The following ATP10B variants were observed in gnomAD, a reference collection of about 807,000 sequenced individuals.
The protein encoded by ATP10B is ATPase phospholipid transporting 10B (putative), also known as phospholipid-transporting ATPase VB.
Under a neutral mutation model 141.2 loss-of-function variants are expected in ATP10B, and 122 were observed. The ratio of observed to expected loss-of-function variants is 0.86; its 90% CI spans 0.75 to 1.00. The LOEUF (loss-of-function observed/expected upper bound fraction) is 1.00. Among genes scored for constraint, ATP10B ranks in the 50% least tolerant of loss-of-function variants. ATP10B has a pLI of 0.00. For missense variants in ATP10B, 1,876 were observed against 1,825.3 expected (o/e 1.03, Z -0.51); for synonymous variants, 685 against 692.0 (o/e 0.99, Z 0.16).
intron 24 of ATP10B, among the ~76,000 whole-genome samples, chr5:160,588,966 A>G (rs1159620758): frequency 6.6e-6 from 1 of 152,168 alleles, no homozygotes; most frequent in African/African-American, 2.4e-5. Flanking sequence ...AGCCTCAGGT[A>G]TGTATGGTCA....
chr5:160,621,042 T>G, intron 14 of ATP10B, 92 bp from the exon 15 acceptor site: 3 of 1,437,216 alleles, frequency 2.1e-6, no homozygotes, highest in Non-Finnish European at 2.8e-6. Flanking sequence ...ACTTTTGCAA[T>G]AAGTGAAGCC....
the ATP10B span, among the ~76,000 whole-genome samples, chr5:160,889,656 T>G: frequency 0.97 from 147,841 of 152,302 alleles, 71,892 homozygotes; most frequent in East Asian, 1. Flanking sequence ...AGTAGTGGGA[T>G]ACAGTAAATA....
chr5:160,850,171 G>A (rs568710414), intron 1 of ATP10B, among the ~76,000 whole-genome samples: 10 of 152,224 alleles, frequency 6.6e-5, no homozygotes, highest in African/African-American at 2.2e-4. Context: ...CACTTTGGGA[G>A]GCTGTGGGCG....
At chr5:160,825,738 T>C (rs1356049250) in intron 1 of ATP10B, among the ~76,000 whole-genome samples, 1 of 152,308 alleles carries the variant, frequency 6.6e-6, no homozygotes, top group East Asian at 1.9e-4. Flanking sequence ...TTACATGGTA[T>C]ACTGTATCCA....
chr5:160,687,780 T>C lies in ATP10B; in HGVS notation c.275+20A>G. On this transcript the variant is annotated intron_variant, in intron 5 of 25. Coordinates refer to ENST00000327245, the MANE Select transcript of ATP10B (RefSeq NM_025153.3). ...ACTCTTTCTCTAAAAAGAGTATTGTTCAGACAAGTGGATCTCTACCTATGA... is the reference window on the plus strand; with the variant it reads ...ACTCTTTCTCTAAAAAGAGTATTGTCCAGACAAGTGGATCTCTACCTATGA... The C allele has an allele frequency of 6.2e-7, 1 of 1,607,962 alleles. No homozygotes were observed. Among genetic ancestry groups the C allele is most frequent in the African/African-American group, 1.3e-5 (1 of 74,926 alleles).
Position 160,632,124 on chromosome 5 carries a change from C to CT in ATP10B, c.1620+4dup. The CT allele has an allele frequency of 6.2e-7, 1 of 1,608,648 alleles. No homozygotes were observed. Among genetic ancestry groups the CT allele is most frequent in the South Asian group, 1.1e-5 (1 of 90,818 alleles). On this transcript the variant is annotated splice_donor_region_variant and intron_variant, in intron 13 of 25. Coordinates refer to ENST00000327245, the MANE Select transcript of ATP10B (RefSeq NM_025153.3). ...TACAGTTCAAAGGCAAAAGTCAGGACTTACTATGGAGCTGCTGAAGGCCAC... is the reference window on the plus strand; with the variant it reads ...TACAGTTCAAAGGCAAAAGTCAGGACTTTACTATGGAGCTGCTGAAGGCCAC...
the ATP10B span, among the ~76,000 whole-genome samples, chr5:160,919,245 A>AAAAAAAAAAAAT: frequency 6.8e-6 from 1 of 147,660 alleles, no homozygotes; most frequent in African/African-American, 2.5e-5. Context: ...AAAAAAAAAA[A>AAAAAAAAAAAAT]GCAGGGAGTG....
chr5:160,696,407 C>T (rs1561765000), intron 3 of ATP10B, among the ~76,000 whole-genome samples: 1 of 151,996 alleles, frequency 6.6e-6, no homozygotes, highest in Non-Finnish European at 1.5e-5. Flanking sequence ...CCATGCCTGG[C>T]CAAAAGCTTC....
At position 160,569,486 on chromosome 5, in the gene ATP10B, G is replaced by A. The variant is rs771750402; in HGVS notation, c.3938+10C>T. 3.1e-6 allele frequency: 5 copies of A among 1,613,390 alleles called. No individual in the cohort carries two copies. The highest frequency in any genetic ancestry group is 4.2e-6 in the Non-Finnish European group (5 of 1,179,644). On this transcript the variant is annotated intron_variant, in intron 25 of 25. Transcript: ENST00000327245. ...ATTTTAGGAAAGAAACACAGCCCTA[G>A]TGCTCAAACCTTGGGAGAAGAGCAA...
rs1763920175 is a variant in ATP10B, at chr5:160,688,953, A to G, written c.-204-10T>C. On this transcript the variant is annotated splice_polypyrimidine_tract_variant and intron_variant, in intron 3 of 25. Transcript: ENST00000327245. ...CTCCATTTGGTGGTTTCTGAAACCA[A>G]GTACTTGATTAAGCAGATGGTCTGC... The G allele has an allele frequency of 2.0e-6, 2 of 985,272 alleles. No homozygotes were observed. Among genetic ancestry groups the G allele is most frequent in the African/African-American group, 1.7e-5 (1 of 57,238 alleles). 61.0% of individuals were successfully genotyped at this position (985,272 alleles called of 1,614,324 possible).
chr5:160,842,230 C>T (rs1250686598), intron 1 of ATP10B, among the ~76,000 whole-genome samples: 1 of 151,962 alleles, frequency 6.6e-6, no homozygotes, highest in Non-Finnish European at 1.5e-5. Flanking sequence ...TCTAAATAAC[C>T]CATGGACCAA....
chr5:160,758,039 G>A (rs944366546), intron 2 of ATP10B, among the ~76,000 whole-genome samples: 8 of 152,210 alleles, frequency 5.3e-5, no homozygotes, highest in African/African-American at 1.9e-4. Context: ...ATAGTAGTCA[G>A]TGTAATAGGC....
At chr5:160,837,709 A>C (rs1360089160) in intron 1 of ATP10B, among the ~76,000 whole-genome samples, 1 of 152,154 alleles carries the variant, frequency 6.6e-6, no homozygotes, top group African/African-American at 2.4e-5. Flanking sequence ...GCAGAAATGT[A>C]AATAGCTATA....
intron 24 of ATP10B, among the ~76,000 whole-genome samples, chr5:160,582,372 T>C (rs1171433152): frequency 6.6e-6 from 1 of 152,228 alleles, no homozygotes; most frequent in Non-Finnish European, 1.5e-5. Flanking sequence ...CATTTGCTTG[T>C]CGTAAAGGAT....
intron 2 of ATP10B, among the ~76,000 whole-genome samples, chr5:160,721,214 A>G (rs1159523375): frequency 1.3e-5 from 2 of 152,238 alleles, no homozygotes; most frequent in Non-Finnish European, 2.9e-5. Flanking sequence ...TGGACTGTTA[A>G]TACATCCTGA....
intron 1 of ATP10B, among the ~76,000 whole-genome samples, chr5:160,828,247 A>C (rs1581613112): frequency 6.6e-6 from 1 of 152,312 alleles, no homozygotes; most frequent in South Asian, 2.1e-4. Flanking sequence ...GCACAGCAAA[A>C]GAAACTACCA....
chr5:160,905,979 C>G, the ATP10B span, among the ~76,000 whole-genome samples: 1 of 152,102 alleles, frequency 6.6e-6, no homozygotes, highest in Non-Finnish European at 1.5e-5. Flanking sequence ...TTACAAATTT[C>G]CAGAGACCTG....
chr5:160,633,927 C>A (rs1225475134), intron 12 of ATP10B: 1 of 332,558 alleles, frequency 3.0e-6, no homozygotes, highest in Non-Finnish European at 5.9e-6. Flanking sequence ...AAGACATCTT[C>A]TGGATGTATT....
At chr5:160,635,261 G>T (rs1377260316) in intron 11 of ATP10B, among the ~76,000 whole-genome samples, 4 of 152,150 alleles carry the variant, frequency 2.6e-5, no homozygotes, top group Non-Finnish European at 5.9e-5. Context: ...GGAGTGTTCC[G>T]AGCAGAGGAG....
Sources: gnomAD v4.1 joint callset for allele counts (sites outside exome capture counted in the v4.1 genomes callset) on GRCh38, gnomAD v4.1.1 for gene constraint, MANE v1.5 for transcripts, NCBI Gene and HGNC (gene_info 2026-07-23, HGNC 2026-07-21) for gene names.